DYNC1I1: variants seen among roughly 807,000 people sequenced by gnomAD.
DYNC1I1 encodes the protein cytoplasmic dynein 1 intermediate chain 1.
In DYNC1I1, 43 loss-of-function variants were observed where a neutral mutation model predicts 86.6. The observed-to-expected ratio is 0.50, with a 90% confidence interval of 0.39 to 0.64. DYNC1I1 has a LOEUF of 0.64. Ranked by LOEUF, DYNC1I1 falls within the 30% of genes least tolerant of loss-of-function variation. The pLI is 0.00. For missense variants in DYNC1I1, 604 were observed against 788.8 expected, an observed-to-expected ratio of 0.77 and a Z score of 2.81; for synonymous variants, 262 against 283.7, an observed-to-expected ratio of 0.92 and a Z score of 0.77.
intron 5 of DYNC1I1, among the ~76,000 whole-genome samples, chr7:95,859,235 T>A (rs568542693): frequency 1.3e-5 from 2 of 152,080 alleles, no homozygotes; most frequent in South Asian, 4.1e-4. Flanking sequence ...TTGAATTGTT[T>A]CTCTGTATTT....
chr7:96,054,795 T>A (rs1210584544), intron 14 of DYNC1I1, among the ~76,000 whole-genome samples: 2 of 152,230 alleles, frequency 1.3e-5, no homozygotes, highest in Admixed American at 1.3e-4. Flanking sequence ...TCATATCCTT[T>A]GCCCACTTTT....
At chr7:95,970,551 G>C (rs566379302) in intron 6 of DYNC1I1, among the ~76,000 whole-genome samples, 1 of 152,178 alleles carries the variant, frequency 6.6e-6, no homozygotes, top group African/African-American at 2.4e-5. Flanking sequence ...GATTTCTTTT[G>C]AAATTGTTAA....
At chr7:95,853,913 C>T (rs1343992768) in intron 5 of DYNC1I1, among the ~76,000 whole-genome samples, 1 of 152,150 alleles carries the variant, frequency 6.6e-6, no homozygotes, top group African/African-American at 2.4e-5. Context: ...CCTTCTTTGT[C>T]TCTTTTTACG....
intron 5 of DYNC1I1, among the ~76,000 whole-genome samples, chr7:95,838,904 A>T (rs929983892): frequency 1.3e-5 from 2 of 152,210 alleles, no homozygotes; most frequent in Non-Finnish European, 2.9e-5. Flanking sequence ...GTACAAGGTC[A>T]TGTCATCTAC....
chr7:96,058,373 A>G (rs1442076288), intron 14 of DYNC1I1, among the ~76,000 whole-genome samples: 2 of 152,218 alleles, frequency 1.3e-5, no homozygotes, highest in African/African-American at 2.4e-5. Flanking sequence ...TGTGTAATCA[A>G]TAGAACTTCT....
chr7:95,964,183 C>T (rs1792945865), intron 6 of DYNC1I1, among the ~76,000 whole-genome samples: 1 of 152,048 alleles, frequency 6.6e-6, no homozygotes, highest in Non-Finnish European at 1.5e-5. Context: ...ATCAGTTCTC[C>T]CTGGGCTGGG....
At chr7:95,843,088 T>C (rs1289665827) in intron 5 of DYNC1I1, among the ~76,000 whole-genome samples, 1 of 152,214 alleles carries the variant, frequency 6.6e-6, no homozygotes, top group Non-Finnish European at 1.5e-5. Context: ...TTCTACACAT[T>C]GCCCCATAAA....
chr7:96,106,055 G>A (rs916950792), intron 16 of DYNC1I1, among the ~76,000 whole-genome samples: 2 of 152,062 alleles, frequency 1.3e-5, no homozygotes, highest in Non-Finnish European at 2.9e-5. Context: ...GGTCTTGCTA[G>A]GAGAGTTATT....
In DYNC1I1 at chr7:95,804,686, T is replaced by C. The variant is rs1794662208; in HGVS notation, c.-9-35T>C. The C allele has an allele frequency of 2.6e-6, 4 of 1,525,670 alleles. No individual in the cohort carries two copies. The African/African-American group carries it at 5.7e-5, about 22-fold the overall frequency. 94.5% of individuals were successfully genotyped at this position (1,525,670 alleles called of 1,614,324 possible). A position where few individuals can be genotyped will look rare whatever the true frequency, so the allele number is the denominator to read the frequency against. ...CAATGATATACAGAAAAGTTATTTA[T>C]ATATATGTTCACTTTTTTTTTCTCT... On this transcript the variant is annotated intron_variant, in intron 1 of 16. Coordinates refer to ENST00000447467, the MANE Select transcript of DYNC1I1 (RefSeq NM_001135556.2).
rs62467724 is a variant in DYNC1I1 at position 95,987,018 on chromosome 7, G to A, written c.744-38G>A. 146,840 of 1,583,064 alleles carry A rather than the reference G, an allele frequency of 0.093. 7,504 individuals are homozygous for A. The highest frequency in any genetic ancestry group is 0.1 in the Non-Finnish European group (115,876 of 1,152,958). ...CTTCTATATGAGCAGCATAGAGAAA[G>A]AGCTCCATATTTATCTCTGATGTTT... On this transcript the variant is annotated intron_variant, in intron 8 of 16. Coordinates refer to ENST00000447467, the MANE Select transcript of DYNC1I1 (RefSeq NM_001135556.2).
chr7:95,804,962 A>G lies in DYNC1I1; in HGVS notation c.108+125A>G, dbSNP rs144077452. Reference sequence around the variant, plus strand: ...TTTATGATATCTGAATAAAATGATTATCTTCCTATTCTGCATGGTAAAGTT... The same window carrying G: ...TTTATGATATCTGAATAAAATGATTGTCTTCCTATTCTGCATGGTAAAGTT... On this transcript the variant is annotated intron_variant, in intron 2 of 16. Coordinates refer to ENST00000447467, the MANE Select transcript of DYNC1I1 (RefSeq NM_001135556.2). 2.3e-5 allele frequency: 33 copies of G among 1,406,070 alleles called. No homozygotes were observed. In the East Asian group the frequency reaches 7.4e-4, roughly 32 times the overall value. The allele number at this position is 1,406,070 out of a possible 1,614,324, so 87.1% of individuals were successfully genotyped here. A position where few individuals can be genotyped will look rare whatever the true frequency, so the allele number is the denominator to read the frequency against.
chr7:96,091,492 A>G (rs1279434886), intron 16 of DYNC1I1, among the ~76,000 whole-genome samples: 1 of 152,176 alleles, frequency 6.6e-6, no homozygotes, highest in African/African-American at 2.4e-5. Context: ...TGTCTTGGCC[A>G]TACTTCATGT....
rs150607774 is a variant in DYNC1I1 at position 95,842,240 on chromosome 7, G to A, written c.374+14124G>A. ...TAAGAGTCCTTTATTAGCCGTGGAC[G>A]GAGAGACAGCTAATGCCCAAAGTTC... is the stretch of plus-strand genomic sequence containing the variant. On this transcript the variant is annotated intron_variant, in intron 5 of 16. Coordinates refer to ENST00000447467, the MANE Select transcript of DYNC1I1 (RefSeq NM_001135556.2). Among the ~76,000 whole-genome samples the A allele has an allele frequency of 1.2e-4, 18 of 152,274 alleles. No individual in the cohort carries two copies. In the East Asian group the frequency reaches 3.5e-3, roughly 29 times the overall value.
At chr7:95,774,225 G>C (rs974374644) in intron 1 of DYNC1I1, among the ~76,000 whole-genome samples, 3 of 152,136 alleles carry the variant, frequency 2.0e-5, no homozygotes, top group East Asian at 3.9e-4. Context: ...TCGAATGCAG[G>C]CTTTTCCAGC....
At chr7:95,857,903 C>T (rs1321196919) in intron 5 of DYNC1I1, among the ~76,000 whole-genome samples, 1 of 152,240 alleles carries the variant, frequency 6.6e-6, no homozygotes, top group African/African-American at 2.4e-5. Flanking sequence ...GTAAATTCAG[C>T]ATCATAGTCA....
At chr7:95,922,186 AT>A (rs916953161) in intron 6 of DYNC1I1, among the ~76,000 whole-genome samples, 9 of 151,460 alleles carry the variant, frequency 5.9e-5, no homozygotes, top group Admixed American at 2.6e-4. Flanking sequence ...TTTCTTCAGG[AT>A]TTTTTTTTCT....
At chr7:96,099,025 T>A (rs1791087142), downstream of DYNC1I1, among the ~76,000 whole-genome samples, 1 of 152,180 alleles carries the variant, frequency 6.6e-6, no homozygotes, top group South Asian at 2.1e-4. Context: ...TGAAATCCTT[T>A]GTAAACAATA....
At chr7:95,834,974 A>T (rs1463502489) in intron 5 of DYNC1I1, among the ~76,000 whole-genome samples, 12 of 143,878 alleles carry the variant, frequency 8.3e-5, no homozygotes, top group Non-Finnish European at 1.7e-4. Context: ...TATTTCCTTC[A>T]GTTCTGCTCT....
chr7:95,857,482 A>G (rs1312259725), intron 5 of DYNC1I1, among the ~76,000 whole-genome samples: 1 of 152,138 alleles, frequency 6.6e-6, no homozygotes, highest in Non-Finnish European at 1.5e-5. Flanking sequence ...TTGGAAGAGG[A>G]GCTGGGTCAT....
Sources: allele counts gnomAD v4.1 joint callset (sites outside exome capture counted in the v4.1 genomes callset), GRCh38; gene constraint gnomAD v4.1.1; transcripts MANE v1.5; gene names NCBI Gene and HGNC (gene_info 2026-07-23, HGNC 2026-07-21).